NBEA: variants seen among roughly 807,000 people sequenced by gnomAD.
The protein encoded by NBEA is neurobeachin.
A neutral mutation model predicts 343.4 loss-of-function variants in NBEA; 44 were observed. The ratio of observed to expected loss-of-function variants is 0.13; its 90% CI spans 0.10 to 0.16. The LOEUF is 0.16. Among genes scored for constraint, NBEA ranks in the 10% least tolerant of loss-of-function variants. The pLI, the probability that NBEA is intolerant of heterozygous loss-of-function variation, is 1.00. For missense variants in NBEA, 2,555 were observed against 3,631.3 expected, an observed-to-expected ratio of 0.70 and a Z score of 7.62; for synonymous variants, 1,175 against 1,238.7, an observed-to-expected ratio of 0.95 and a Z score of 1.08.
At chr13:35,509,911 T>G (rs1029684719) in intron 41 of NBEA, among the ~76,000 whole-genome samples, 4 of 152,164 alleles carry the variant, frequency 2.6e-5, no homozygotes, top group Non-Finnish European at 5.9e-5. Context: ...ATTAAGTATT[T>G]TTCATTTTTC....
intron 11 of NBEA, among the ~76,000 whole-genome samples, chr13:35,104,552 G>A (rs2152649088): frequency 6.6e-6 from 1 of 152,000 alleles, no homozygotes; most frequent in African/African-American, 2.4e-5. Flanking sequence ...CTTTCTTGGA[G>A]GAGTGCTCAC....
intron 39 of NBEA, among the ~76,000 whole-genome samples, chr13:35,441,831 G>GA (rs34357028): frequency 0.078 from 9,342 of 119,850 alleles, 500 homozygotes; most frequent in African/African-American, 0.15. Flanking sequence ...TGCTAGATGT[G>GA]AAAAAAAAAA....
intron 5 of NBEA, among the ~76,000 whole-genome samples, chr13:35,049,942 A>T (rs1416249060): frequency 6.6e-6 from 1 of 151,692 alleles, no homozygotes; most frequent in Non-Finnish European, 1.5e-5. Context: ...CTTTGTGTAA[A>T]TGTGTTCTGT....
intron 31 of NBEA, among the ~76,000 whole-genome samples, chr13:35,199,980 T>C (rs1037325351): frequency 6.6e-6 from 1 of 152,074 alleles, no homozygotes; most frequent in Non-Finnish European, 1.5e-5. Flanking sequence ...ATTAAAATGC[T>C]AGAGATCCTC....
chr13:35,040,249 G>A (rs2062600659), intron 1 of NBEA, among the ~76,000 whole-genome samples: 1 of 151,672 alleles, frequency 6.6e-6, no homozygotes, highest in Non-Finnish European at 1.5e-5. Flanking sequence ...ATGTGTATTT[G>A]TCTATTACTG....
In NBEA at chr13:35,145,654, C is replaced by T. The variant is rs146724571; in HGVS notation, c.2445+3277C>T. On this transcript the variant is annotated intron_variant, in intron 18 of 58. Transcript: ENST00000379939. ...GGAAATACTATTTTCAGGATTAGTT[C>T]GCTCAAAAGCAAACAAATAGTGACA... Among the ~76,000 whole-genome samples, 61 of 152,212 alleles carry T rather than the reference C, an allele frequency of 4.0e-4. 1 individual carries two copies. In the East Asian group the frequency reaches 0.011, roughly 27 times the overall value.
At chr13:35,503,185 G>T (rs976855284) in intron 41 of NBEA, among the ~76,000 whole-genome samples, 1 of 151,400 alleles carries the variant, frequency 6.6e-6, no homozygotes, top group Non-Finnish European at 1.5e-5. Context: ...GTACTCATTG[G>T]TTTTTTCTAA....
chr13:34,992,014 G>T, intron 1 of NBEA, among the ~76,000 whole-genome samples: 1 of 149,368 alleles, frequency 6.7e-6, no homozygotes. Context: ...TAGTCATTCA[G>T]TCATTGTTTT....
intron 41 of NBEA, among the ~76,000 whole-genome samples, chr13:35,483,287 A>C (rs1406793303): frequency 1.3e-5 from 2 of 151,954 alleles, no homozygotes; most frequent in Non-Finnish European, 1.5e-5. Flanking sequence ...TGGGTTTCTC[A>C]TATAAGTTAG....
At chr13:35,278,976 CCTTT>C (rs1275970955) in intron 34 of NBEA, among the ~76,000 whole-genome samples, 3 of 152,026 alleles carry the variant, frequency 2.0e-5, no homozygotes, top group African/African-American at 4.8e-5. Flanking sequence ...TGAAATATTG[CCTTT>C]CTTTCTGTTT....
chr13:35,131,991 A>G (rs2067455727), intron 17 of NBEA, among the ~76,000 whole-genome samples: 1 of 152,164 alleles, frequency 6.6e-6, no homozygotes, highest in Non-Finnish European at 1.5e-5. Flanking sequence ...AGCATAGACT[A>G]CTTACTGAAT....
At position 35,671,386 on chromosome 13, in the gene NBEA, TGA is replaced by T; in HGVS notation, c.*398_*399del. 1 of 147,948 alleles carries T rather than the reference TGA, an allele frequency of 6.8e-6. No homozygotes were observed. The highest frequency in any genetic ancestry group is 1.5e-5 in the Non-Finnish European group (1 of 68,424). The allele number at this position is 147,948 out of a possible 1,614,324, so 9.2% of individuals were successfully genotyped here. ...TCCCATTTCCAGCCTCTTTTCAAGCTGAGAAAAAAAAAAAAAAACACGTTTGA... is the reference window on the plus strand; with the variant it reads ...TCCCATTTCCAGCCTCTTTTCAAGCTGAAAAAAAAAAAAAAACACGTTTGA... On this transcript the variant is annotated 3_prime_UTR_variant, in exon 59 of 59. Coordinates refer to ENST00000379939, the MANE Select transcript of NBEA (RefSeq NM_001385012.1).
intron 38 of NBEA, among the ~76,000 whole-genome samples, chr13:35,359,817 GGTGTGTGTGTGTGTATGTGTGTGTGT>G (rs2040703391): frequency 6.8e-6 from 1 of 146,162 alleles, no homozygotes; most frequent in Non-Finnish European, 1.5e-5. Flanking sequence ...GAGTTTAATA[GGTGTGTGTGTGTGTATGTGTGTGTGT>G]GTGTGTGTGT....
At chr13:34,961,728 G>A in intron 1 of NBEA, among the ~76,000 whole-genome samples, 1 of 152,110 alleles carries the variant, frequency 6.6e-6, no homozygotes, top group Non-Finnish European at 1.5e-5. Context: ...AAATCAATTA[G>A]GGTATTGTGG....
intron 1 of NBEA, among the ~76,000 whole-genome samples, chr13:34,962,458 A>C (rs1011301466): frequency 6.6e-6 from 1 of 152,096 alleles, no homozygotes; most frequent in Non-Finnish European, 1.5e-5. Context: ...TCTGGCAAAA[A>C]TTGCTTAAAT....
intron 45 of NBEA, among the ~76,000 whole-genome samples, chr13:35,576,022 G>A (rs755774929): frequency 6.6e-6 from 1 of 151,784 alleles, no homozygotes; most frequent in Non-Finnish European, 1.5e-5. Flanking sequence ...TGTTCCTCGT[G>A]TTGTCATTTA....
rs753557951 is a variant in NBEA at position 35,045,401 on chromosome 13, G to A, written c.723G>A (p.Ala241=). Reference sequence around the variant, plus strand: ...TCAATTTCCCTGGTTGTAGCGCTGCGGTAAGTTTTAAATACATGTGCTGAT... The same window carrying A: ...TCAATTTCCCTGGTTGTAGCGCTGCAGTAAGTTTTAAATACATGTGCTGAT... ...TFFNFPGCSA[A]AIALPPIAKW... is the part of the protein sequence containing the mutation. Residue 241 remains alanine (A), a splice_region_variant and synonymous_variant, in exon 4 of 59, where the codon GCG becomes GCA. Transcript: ENST00000379939. The A allele has an allele frequency of 6.9e-6, 11 of 1,601,004 alleles. No homozygotes were observed. The highest frequency in any genetic ancestry group is 3.4e-5 in the South Asian group (3 of 89,280).
chr13:35,033,107 A>G (rs374789267), intron 1 of NBEA, among the ~76,000 whole-genome samples: 1 of 151,742 alleles, frequency 6.6e-6, no homozygotes, highest in East Asian at 1.9e-4. Context: ...ATTTTCTTCA[A>G]TGTGTTTTTA....
chr13:35,435,095 C>G (rs922536607), intron 39 of NBEA, among the ~76,000 whole-genome samples: 5 of 152,108 alleles, frequency 3.3e-5, no homozygotes, highest in African/African-American at 1.2e-4. Context: ...ATGGCGCGAT[C>G]TCAGCTCACT....
Sources: allele counts gnomAD v4.1 joint callset (sites outside exome capture counted in the v4.1 genomes callset), GRCh38; gene constraint gnomAD v4.1.1; transcripts MANE v1.5; gene names NCBI Gene and HGNC (gene_info 2026-07-23, HGNC 2026-07-21).